The following PTGIS variants were observed in gnomAD, a reference collection of about 807,000 sequenced individuals.
PTGIS encodes the protein prostaglandin I2 synthase.
Under a neutral mutation model 50.3 loss-of-function variants are expected in PTGIS, and 45 were observed. The ratio of observed to expected loss-of-function variants is 0.90; its 90% CI spans 0.70 to 1.15. PTGIS has a LOEUF of 1.15. Among genes scored for constraint, PTGIS ranks in the 50% most tolerant of loss-of-function variants. The probability of loss-of-function intolerance (pLI) is 0.00; values close to 1 mark genes in which losing one functional copy is unlikely to be tolerated. For synonymous variants in PTGIS, 260 were observed against 267.7 expected, an observed-to-expected ratio of 0.97 and a Z score of 0.28; for missense variants, 668 against 661.3, an observed-to-expected ratio of 1.01 and a Z score of -0.11.
intron 3 of PTGIS, among the ~76,000 whole-genome samples, chr20:49,546,564 G>A (rs1033135260): frequency 6.6e-6 from 1 of 152,222 alleles, no homozygotes; most frequent in African/African-American, 2.4e-5. Context: ...GAACTCTGCA[G>A]GGGCGGACAC....
At chr20:49,530,441 C>A (rs1008372487) in intron 5 of PTGIS, among the ~76,000 whole-genome samples, 1 of 152,144 alleles carries the variant, frequency 6.6e-6, no homozygotes, top group African/African-American at 2.4e-5. Flanking sequence ...GAATATATAC[C>A]TAGAAGAGGG....
chr20:49,555,498 T>C (rs573071502), intron 1 of PTGIS, among the ~76,000 whole-genome samples: 1 of 152,174 alleles, frequency 6.6e-6, no homozygotes, highest in African/African-American at 2.4e-5. Context: ...AAGAGACATA[T>C]TCGGCTTATT....
chr20:49,564,970 C>A (rs201538525), intron 1 of PTGIS, among the ~76,000 whole-genome samples: 1 of 149,072 alleles, frequency 6.7e-6, no homozygotes, highest in Non-Finnish European at 1.5e-5. Context: ...CACTTGTTTG[C>A]CCTTTTTTTT....
intron 1 of PTGIS, among the ~76,000 whole-genome samples, chr20:49,558,944 C>G (rs1235522572): frequency 1.3e-5 from 2 of 152,074 alleles, no homozygotes; most frequent in Non-Finnish European, 2.9e-5. Context: ...AACTCCTGAT[C>G]TCAGGTGATC....
At chr20:49,541,764 G>T (rs577031786) in intron 4 of PTGIS, among the ~76,000 whole-genome samples, 5 of 152,080 alleles carry the variant, frequency 3.3e-5, no homozygotes, top group Admixed American at 6.5e-5. Context: ...TGAAGGAAAA[G>T]AAAACAAAAA....
chr20:49,559,940 T>C (rs2122903521), intron 1 of PTGIS, among the ~76,000 whole-genome samples: 1 of 151,928 alleles, frequency 6.6e-6, no homozygotes, highest in Middle Eastern at 3.4e-3. Flanking sequence ...TTTTTTTTTT[T>C]TTGAGACGGA....
chr20:49,535,542 C>T (rs1982047270), intron 5 of PTGIS, among the ~76,000 whole-genome samples: 1 of 152,208 alleles, frequency 6.6e-6, no homozygotes, highest in Non-Finnish European at 1.5e-5. Context: ...GAGATGGAGT[C>T]TTGCTCTGTC....
chr20:49,552,688 C>A (rs1982542058), intron 1 of PTGIS, among the ~76,000 whole-genome samples: 1 of 151,944 alleles, frequency 6.6e-6, no homozygotes, highest in African/African-American at 2.4e-5. Context: ...CTTTTTAGAC[C>A]CAGGAGTCAA....
intron 5 of PTGIS, among the ~76,000 whole-genome samples, chr20:49,532,912 A>G (rs1317415125): frequency 6.6e-6 from 1 of 152,216 alleles, no homozygotes; most frequent in Non-Finnish European, 1.5e-5. Context: ...GAAGTTTGTA[A>G]AATGCTACTT....
Position 49,511,099 on chromosome 20 carries a change from A to G in PTGIS, c.1287T>C (p.Asn429=). The G allele has an allele frequency of 6.2e-7, 1 of 1,614,182 alleles. No homozygotes were observed. The part of the protein sequence containing the change: ...DFYKDGKRLK[N]YNMPWGAGHN... The stretch of plus-strand genomic sequence containing the variant: ...GCCCCGCCCCCCAGGGCATGTTGTA[A>G]TTCTTCAGCCGTTTCCCATCCTTGT... The change falls in exon 9 of 10, where the codon AAT becomes AAC. Residue 429 remains asparagine, a synonymous_variant. Coordinates refer to ENST00000244043, the MANE Select transcript of PTGIS (RefSeq NM_000961.4).
In PTGIS at chr20:49,539,610, G is replaced by T. The variant is rs893052632; in HGVS notation, c.633C>A (p.Asp211Glu). The change falls in exon 5 of 10, where the codon GAC (aspartate) becomes GAA (glutamate). Residue 211 changes from aspartate (D) to glutamate (E), a missense_variant. Coordinates refer to ENST00000244043, the MANE Select transcript of PTGIS (RefSeq NM_000961.4). ...CACGGGCCAGTTTGGGGAGCAGCCG[G>T]TCGAGCTGGCGAAAGGTGTGGAAGA... Reference protein sequence around the residue: ...ADVFHTFRQLDRLLPKLARGS... With the variant: ...ADVFHTFRQLERLLPKLARGS... 5 of 1,614,052 alleles carry T rather than the reference G, an allele frequency of 3.1e-6. No homozygotes were observed. Among genetic ancestry groups the T allele is most frequent in the Non-Finnish European group, 4.2e-6 (5 of 1,180,008 alleles).
chr20:49,550,147 C>G lies in PTGIS; in HGVS notation c.117G>C (p.Trp39Cys), dbSNP rs1185398624. 2 of 1,614,008 alleles carry G rather than the reference C, an allele frequency of 1.2e-6. No homozygotes were observed. The highest frequency in any genetic ancestry group is 3.3e-5 in the Admixed American group (2 of 60,030). ...TTCCAAAGTCCAAGGCATACCCCAA[C>G]CAGGGGATGCTGCCCAGGTCCAGGG... ...EPPLDLGSIP[W>C]LGYALDFGKD... The change falls in exon 2 of 10, where the codon TGG becomes TGC. Residue 39 changes from tryptophan (W) to cysteine (C), a missense_variant. Coordinates refer to ENST00000244043, the MANE Select transcript of PTGIS (RefSeq NM_000961.4).
At chr20:49,509,427 C>T (rs966580224) in intron 9 of PTGIS, among the ~76,000 whole-genome samples, 7 of 152,308 alleles carry the variant, frequency 4.6e-5, no homozygotes, top group Middle Eastern at 3.4e-3. Flanking sequence ...ATTTAGTACC[C>T]GCTATCTCTT....
chr20:49,558,291 A>G (rs1482761474), intron 1 of PTGIS, among the ~76,000 whole-genome samples: 1 of 152,114 alleles, frequency 6.6e-6, no homozygotes, highest in Non-Finnish European at 1.5e-5. Flanking sequence ...CAGGAGGCTG[A>G]GTTTGGGGGA....
intron 1 of PTGIS, among the ~76,000 whole-genome samples, chr20:49,555,908 T>A (rs1001580790): frequency 2.6e-5 from 4 of 152,234 alleles, no homozygotes; most frequent in Non-Finnish European, 4.4e-5. Context: ...CTTCCAGGAC[T>A]GTCATGGAGA....
intron 7 of PTGIS, 48 bp downstream of exon 7, chr20:49,514,179 A>G (rs771732702): frequency 1.3e-5 from 21 of 1,606,088 alleles, no homozygotes; most frequent in Admixed American, 3.3e-5. Context: ...TTGGGGGTCC[A>G]TGATGACGCA....
At chr20:49,546,327 C>T (rs1568682093) in intron 3 of PTGIS, among the ~76,000 whole-genome samples, 1 of 152,184 alleles carries the variant, frequency 6.6e-6, no homozygotes, top group Non-Finnish European at 1.5e-5. Context: ...CTAATGGGAC[C>T]CCCAGGGTCC....
chr20:49,528,879 A>G (rs1328467056), intron 5 of PTGIS, among the ~76,000 whole-genome samples: 2 of 152,242 alleles, frequency 1.3e-5, no homozygotes, highest in African/African-American at 4.8e-5. Context: ...GATCCATTTG[A>G]AACTAATAAA....
chr20:49,521,989 C>T (rs1288145080), intron 6 of PTGIS, among the ~76,000 whole-genome samples: 1 of 152,080 alleles, frequency 6.6e-6, no homozygotes, highest in Non-Finnish European at 1.5e-5. Context: ...CTCCTTGTTG[C>T]CCTGTTTTTG....
Sources: allele counts gnomAD v4.1 joint callset (sites outside exome capture counted in the v4.1 genomes callset), GRCh38; gene constraint gnomAD v4.1.1; transcripts MANE v1.5; gene names NCBI Gene and HGNC (gene_info 2026-07-23, HGNC 2026-07-21).